DPP10: variants seen among roughly 807,000 people sequenced by gnomAD.
DPP10 encodes inactive dipeptidyl peptidase 10.
Under a neutral mutation model 120.9 loss-of-function variants are expected in DPP10, and 33 were observed. The observed-to-expected ratio is 0.27, with a 90% CI of 0.21 to 0.37. The LOEUF (loss-of-function observed/expected upper bound fraction) is 0.37, where lower values mean the gene tolerates loss of function less well. DPP10 is among the 10% of genes least tolerant of loss of function. The pLI is 1.00. For missense variants in DPP10, 816 were observed against 942.8 expected (o/e 0.87, Z 1.76); for synonymous variants, 337 against 326.1 (o/e 1.03, Z -0.36).
chr2:115,600,174 G>T (rs2083238299), intron 5 of DPP10, among the ~76,000 whole-genome samples: 1 of 152,026 alleles, frequency 6.6e-6, no homozygotes. Flanking sequence ...ACGCTATGCT[G>T]CCCCAAGTTT....
intron 5 of DPP10, among the ~76,000 whole-genome samples, chr2:115,665,595 T>C (rs1237091311): frequency 6.6e-6 from 1 of 152,204 alleles, no homozygotes; most frequent in African/African-American, 2.4e-5. Flanking sequence ...TTGAGAGGCT[T>C]CTTAAAATAC....
intron 1 of DPP10, among the ~76,000 whole-genome samples, chr2:114,540,020 T>C (rs564768167): frequency 2.7e-4 from 41 of 152,200 alleles, no homozygotes; most frequent in Admixed American, 6.6e-4. Context: ...CATATTATTA[T>C]TTTTAGTATT....
At chr2:115,698,410 T>A (rs186990165) in intron 7 of DPP10, among the ~76,000 whole-genome samples, 2 of 152,206 alleles carry the variant, frequency 1.3e-5, no homozygotes, top group African/African-American at 4.8e-5. Context: ...GAATTAATGG[T>A]GTTCCCACAA....
At chr2:115,719,464 G>A (rs1387694628) in intron 7 of DPP10, among the ~76,000 whole-genome samples, 1 of 152,136 alleles carries the variant, frequency 6.6e-6, no homozygotes, top group Non-Finnish European at 1.5e-5. Flanking sequence ...GTTGTTCTAT[G>A]TCTCAGAGAT....
intron 5 of DPP10, among the ~76,000 whole-genome samples, chr2:115,610,027 C>T (rs972094284): frequency 6.6e-6 from 1 of 152,098 alleles, no homozygotes; most frequent in Non-Finnish European, 1.5e-5. Context: ...TATTTATTAT[C>T]TTACATAGTT....
At position 115,071,014 on chromosome 2, in the gene DPP10, G is replaced by T. The variant is rs985925658; in HGVS notation, c.61-238225G>T. On this transcript the variant is annotated intron_variant, in intron 1 of 25. Transcript: ENST00000410059. ...ATATTAATATTTATGAAGGACAAAA[G>T]GTTACTTTTGTAATGTTGCAATTAA... Among the ~76,000 whole-genome samples, 10 of 152,130 alleles carry T rather than the reference G, an allele frequency of 6.6e-5. No homozygotes were observed. In the East Asian group the frequency reaches 1.9e-3, roughly 29 times the overall value.
At chr2:114,563,211 A>G (rs183246098) in intron 1 of DPP10, among the ~76,000 whole-genome samples, 17 of 152,260 alleles carry the variant, frequency 1.1e-4, no homozygotes, top group African/African-American at 3.6e-4. Context: ...ATCTTTACTA[A>G]AAACACAAAA....
chr2:115,810,760 C>T (rs575958072), intron 19 of DPP10, among the ~76,000 whole-genome samples: 147 of 152,302 alleles, frequency 9.7e-4, no homozygotes, highest in Non-Finnish European at 1.8e-3. Flanking sequence ...TGTCCCCACT[C>T]TCAACCTTGA....
chr2:114,742,259 T>C (rs564667750), intron 1 of DPP10, among the ~76,000 whole-genome samples: 1 of 151,624 alleles, frequency 6.6e-6, no homozygotes, highest in Non-Finnish European at 1.5e-5. Context: ...ATGAAATACA[T>C]AGCACAGCAA....
chr2:114,755,114 G>C (rs1574111822), intron 1 of DPP10, among the ~76,000 whole-genome samples: 1 of 152,186 alleles, frequency 6.6e-6, no homozygotes, highest in Admixed American at 6.5e-5. Flanking sequence ...TGTTTCTGAA[G>C]TGGTAAGCTG....
At chr2:114,644,037 C>A (rs1054001475) in intron 1 of DPP10, among the ~76,000 whole-genome samples, 1 of 148,572 alleles carries the variant, frequency 6.7e-6, no homozygotes, top group Non-Finnish European at 1.5e-5. Context: ...CAGGTTCCAG[C>A]GATTCTCCTG....
intron 8 of DPP10, 137 bp downstream of exon 8, chr2:115,728,073 C>T: frequency 1.1e-6 from 1 of 925,120 alleles, no homozygotes; most frequent in Admixed American, 3.3e-5. Context: ...TGCCCTCATG[C>T]TTTCATATCT....
intron 1 of DPP10, among the ~76,000 whole-genome samples, chr2:114,898,286 G>A (rs1693219347): frequency 6.6e-6 from 1 of 150,854 alleles, no homozygotes; most frequent in African/African-American, 2.4e-5. Context: ...CTCGTAGATG[G>A]GAATTGAACA....
intron 1 of DPP10, among the ~76,000 whole-genome samples, chr2:115,271,850 A>T (rs1195272759): frequency 6.6e-6 from 1 of 152,232 alleles, no homozygotes; most frequent in Non-Finnish European, 1.5e-5. Context: ...AGGTATTTTA[A>T]CTGAGAAAGA....
At chr2:115,523,195 C>G (rs1336555459) in intron 4 of DPP10, among the ~76,000 whole-genome samples, 1 of 150,194 alleles carries the variant, frequency 6.7e-6, no homozygotes, top group East Asian at 2.0e-4. Flanking sequence ...AAGCTTGAGG[C>G]AGTAGAGGGA....
chr2:115,577,000 C>G (rs1008845795), intron 5 of DPP10, among the ~76,000 whole-genome samples: 1 of 152,180 alleles, frequency 6.6e-6, no homozygotes, highest in Admixed American at 6.5e-5. Flanking sequence ...AAGAAAAATA[C>G]TCAGATAATC....
intron 1 of DPP10, among the ~76,000 whole-genome samples, chr2:114,546,316 A>G (rs765305710): frequency 1.3e-5 from 2 of 152,152 alleles, no homozygotes; most frequent in African/African-American, 4.8e-5. Context: ...AAGCAAGAGC[A>G]AGTGGGGAGG....
intron 13 of DPP10, among the ~76,000 whole-genome samples, chr2:115,774,407 T>G (rs187728315): frequency 6.6e-6 from 1 of 152,228 alleles, no homozygotes; most frequent in Admixed American, 6.6e-5. Flanking sequence ...CTTGAAATTT[T>G]AGTATCCTGT....
chr2:115,020,655 A>G (rs898230131), intron 1 of DPP10, among the ~76,000 whole-genome samples: 18 of 152,150 alleles, frequency 1.2e-4, no homozygotes, highest in Admixed American at 1.0e-3. Context: ...AGCCTACAAC[A>G]AATGGACTTA....
Sources: allele counts gnomAD v4.1 joint callset (sites outside exome capture counted in the v4.1 genomes callset), GRCh38; gene constraint gnomAD v4.1.1; transcripts MANE v1.5; gene names NCBI Gene and HGNC (gene_info 2026-07-23, HGNC 2026-07-21).